CCDC88B: variants seen among roughly 807,000 people sequenced by gnomAD.
CCDC88B encodes coiled-coil and HOOK domain protein 88B, also known as coiled-coil domain-containing protein 88B.
A neutral mutation model predicts 183.7 loss-of-function variants in CCDC88B; 138 were observed. The ratio of observed to expected loss-of-function variants is 0.75; its 90% confidence interval spans 0.65 to 0.87. The LOEUF (loss-of-function observed/expected upper bound fraction) is 0.87. CCDC88B is among the 40% of genes least tolerant of loss of function. The pLI is 0.00. For synonymous variants in CCDC88B, 835 were observed against 867.5 expected, an observed-to-expected ratio of 0.96 and a Z score of 0.66; for missense variants, 1,822 against 1,965.6, an observed-to-expected ratio of 0.93 and a Z score of 1.38.
intron 18 of CCDC88B, 141 bp from the exon 19 acceptor site, chr11:64,351,989 G>A: frequency 8.1e-7 from 1 of 1,230,252 alleles, no homozygotes; most frequent in Non-Finnish European, 1.1e-6. Flanking sequence ...TGTACTGCCT[G>A]CTGTGCCCCC....
chr11:64,344,002 C>T lies in CCDC88B; in HGVS notation c.1461C>T (p.Pro487=), dbSNP rs753814750. ...TCCCTCTCGTATGCCCTCAGCACCC[C>T]CTGCTGGAGGCACCGAGAGAGGACC... ...VLQGQPGGQH[P]LLEAPREDPV... is the part of the protein sequence containing the mutation. The change falls in exon 14 of 27, where the codon CCC becomes CCT. Residue 487 remains proline (P), a synonymous_variant. Coordinates refer to ENST00000356786, the MANE Select transcript of CCDC88B (RefSeq NM_032251.6). This position sits in a 1 kb window ranked among gnomAD's most constrained non-coding sequence, Gnocchi z 4.5. The T allele has an allele frequency of 1.5e-5, 23 of 1,552,452 alleles. No homozygotes were observed. Among genetic ancestry groups the T allele is most frequent in the South Asian group, 1.4e-4 (12 of 83,618 alleles).
chr11:64,343,293 C>A lies in CCDC88B; in HGVS notation c.1177C>A (p.Leu393Met), dbSNP rs1206230746. 6 of 1,550,148 alleles carry A rather than the reference C, an allele frequency of 3.9e-6. No homozygotes were observed. Among genetic ancestry groups the A allele is most frequent in the Non-Finnish European group, 5.2e-6 (6 of 1,146,842 alleles). Residue 393 changes from leucine (L) to methionine (M), a missense_variant, in exon 11 of 27, where the codon CTG becomes ATG. Transcript: ENST00000356786. ...RLHETQRENL[L>M]LRTRLGEAHA... is the part of the protein sequence containing the mutation. ...GCACGAGACCCAGCGCGAGAACCTG[C>A]TGCTGCGAACCCGGCTGGGCGAGGC...
chr11:64,341,139 C>G lies in CCDC88B; in HGVS notation c.349C>G (p.Pro117Ala), dbSNP rs750187928. Residue 117 changes from proline (P) to alanine (A), a missense_variant, in exon 4 of 27, where the codon CCC (proline) becomes GCC (alanine). By Grantham distance (27) the Pro-to-Ala change is conservative. Transcript: ENST00000356786. ...GCTGCAGCTGCTGATCCTGTCGCCA[C>G]CCCCAGACCTCCAGACATTGGGATT... ...EELQLLILSP[P>A]PDLQTLGFDP... is the part of the protein sequence containing the mutation. 3 of 1,614,104 alleles carry G rather than the reference C, an allele frequency of 1.9e-6. No individual in the cohort carries two copies. The highest frequency in any genetic ancestry group is 2.2e-5 in the East Asian group (1 of 44,884).
Position 64,343,838 on chromosome 11 carries a change from G to C in CCDC88B, c.1379G>C (p.Arg460Pro), listed in dbSNP as rs772181053. ...GAGGTGAGGGAGGCAGAGGCTGGGC[G>C]GCTTCGGACCCTTGAGAGGGAGAAC... is the stretch of plus-strand genomic sequence containing the variant. ...QDEVREAEAG[R>P]LRTLERENRE... The change falls in exon 13 of 27, where the codon CGG becomes CCG. Residue 460 changes from arginine (R) to proline (P), a missense_variant. Arg to Pro is a moderately radical substitution (Grantham distance 103). Coordinates refer to ENST00000356786, the MANE Select transcript of CCDC88B (RefSeq NM_032251.6). 1.3e-6 allele frequency: 2 copies of C among 1,598,272 alleles called. No homozygotes were observed. The highest frequency in any genetic ancestry group is 2.0e-4 in the Middle Eastern group (1 of 5,128).
Position 64,354,027 on chromosome 11 carries a change from A to G in CCDC88B, c.3956A>G (p.Lys1319Arg), listed in dbSNP as rs1438662110. 5 of 1,482,780 alleles carry G rather than the reference A, an allele frequency of 3.4e-6. No individual in the cohort carries two copies. The highest frequency in any genetic ancestry group is 4.5e-6 in the Non-Finnish European group (5 of 1,112,414). The allele number at this position is 1,482,780 out of a possible 1,614,324, so 91.9% of individuals were successfully genotyped here. Residue 1319 changes from lysine (K) to arginine (R), a missense_variant, in exon 24 of 27, where the codon AAG (lysine) becomes AGG (arginine). Physicochemically the swap from Lys to Arg is conservative, Grantham distance 26. Coordinates refer to ENST00000356786, the MANE Select transcript of CCDC88B (RefSeq NM_032251.6). ...RTKKGSWLAD[K>R]VKRLMRPRRE... Reference sequence around the variant, plus strand: ...AGGAAGGGCAGCTGGCTGGCAGACAAGGTGAAGAGGCTGATGCGGCCCCGG... The same window carrying G: ...AGGAAGGGCAGCTGGCTGGCAGACAGGGTGAAGAGGCTGATGCGGCCCCGG...
chr11:64,342,590 G>A lies in CCDC88B; in HGVS notation c.972G>A (p.Glu324=). Residue 324 remains glutamate, a synonymous_variant, in exon 10 of 27, where the codon GAG becomes GAA. Coordinates refer to ENST00000356786, the MANE Select transcript of CCDC88B (RefSeq NM_032251.6). ...LYREEAEALR[E]RAGRLPRLQE... ...GCGAGGAGGCAGAGGCGCTGCGGGA[G>A]CGGGCCGGCCGCCTGCCCCGCCTGC... The A allele has an allele frequency of 1.3e-6, 2 of 1,531,110 alleles. No homozygotes were observed. Among genetic ancestry groups the A allele is most frequent in the Non-Finnish European group, 1.7e-6 (2 of 1,145,224 alleles). The allele number at this position is 1,531,110 out of a possible 1,614,324, so 94.8% of individuals were successfully genotyped here. A position where few individuals can be genotyped will look rare whatever the true frequency, so the allele number is the denominator to read the frequency against.
Position 64,352,762 on chromosome 11 carries a change from C to G in CCDC88B, c.3375C>G (p.Ala1125=). Residue 1125 remains alanine, a synonymous_variant, in exon 20 of 27, where the codon GCC becomes GCG. Transcript: ENST00000356786. ...ELQGRHEQLQ[A]QRASVEAQEV... ...ATCCCAGGCACGAGCAGCTGCAGGC[C>G]CAGCGGGCCAGCGTGGAGGCACAGG... The G allele has an allele frequency of 6.2e-7, 1 of 1,613,522 alleles. No homozygotes were observed. The highest frequency in any genetic ancestry group is 8.5e-7 in the Non-Finnish European group (1 of 1,180,006).
chr11:64,353,480 G>A lies in CCDC88B; in HGVS notation c.3817G>A (p.Glu1273Lys), dbSNP rs1027435237. Residue 1273 changes from glutamate (E) to lysine (K), a missense_variant, in exon 22 of 27, where the codon GAA (glutamate) becomes AAA (lysine). Physicochemically the swap from Glu to Lys is moderately conservative, Grantham distance 56 (BLOSUM62 1). Coordinates refer to ENST00000356786, the MANE Select transcript of CCDC88B (RefSeq NM_032251.6). ...GGAGAGTCGGGACCACCTGCACCGC[G>A]AACAGCGGGAGTACCTGTGAGTGGG... ...SLESRDHLHR[E>K]QREYLDQLNA... 7.4e-6 allele frequency: 12 copies of A among 1,611,784 alleles called. No homozygotes were observed. Among genetic ancestry groups the A allele is most frequent in the South Asian group, 1.1e-5 (1 of 91,004 alleles).
chr11:64,350,280 C>A (rs2036277231), intron 16 of CCDC88B: 1 of 154,016 alleles, frequency 6.5e-6, no homozygotes, highest in Non-Finnish European at 1.4e-5. Flanking sequence ...TGCCTGTAAT[C>A]CCAGCACTTT....
At chr11:64,352,979 C>T (rs61886887) in intron 20 of CCDC88B, 75 bp from the exon 21 acceptor site, 295,029 of 1,504,128 alleles carry the variant, frequency 0.2, 31,150 homozygotes, top group South Asian at 0.28. Flanking sequence ...CTCCCCTCCC[C>T]GGCATAACTT....
At chr11:64,357,011 C>G (rs768796040) in intron 26 of CCDC88B, 28 bp from the exon 27 acceptor site, 3 of 1,544,602 alleles carry the variant, frequency 1.9e-6, no homozygotes, top group Non-Finnish European at 1.7e-6. Flanking sequence ...CTGAGGGAAG[C>G]AGATCTCAGC....
At position 64,354,130 on chromosome 11, in the gene CCDC88B, G is replaced by A. The variant is rs540864966; in HGVS notation, c.4059G>A (p.Pro1353=). Residue 1353 remains proline, a synonymous_variant, in exon 24 of 27, where the codon CCG becomes CCA. Transcript: ENST00000356786. The part of the protein sequence containing the change: ...AGSTESLGGP[P]ETELPEGREA... Reference sequence around the variant, plus strand: ...GCACCGAGAGCCTGGGGGGCCCCCCGGAGACGGAGCTTCCTGAGGGCAGGG... The same window carrying A: ...GCACCGAGAGCCTGGGGGGCCCCCCAGAGACGGAGCTTCCTGAGGGCAGGG... 66 of 1,375,236 alleles carry A rather than the reference G, an allele frequency of 4.8e-5. No individual in the cohort carries two copies. The South Asian group carries it at 9.7e-4, about 20-fold the overall frequency. The allele number at this position is 1,375,236 out of a possible 1,614,324, so 85.2% of individuals were successfully genotyped here.
At chr11:64,349,009 A>AT in intron 14 of CCDC88B, 1 of 717,514 alleles carries the variant, frequency 1.4e-6, no homozygotes, top group South Asian at 1.5e-5. Flanking sequence ...CACCGGGCGC[A>AT]TCCACCTTTC....
chr11:64,343,111 T>C, intron 10 of CCDC88B, 68 bp from the exon 11 acceptor site: 1 of 1,453,112 alleles, frequency 6.9e-7, no homozygotes, highest in Non-Finnish European at 9.1e-7. Flanking sequence ...GGGAAGGAGT[T>C]TGGGACCCTC....
Position 64,353,058 on chromosome 11 carries a change from C to A in CCDC88B, c.3505C>A (p.Gln1169Lys). 1 of 1,599,046 alleles carries A rather than the reference C, an allele frequency of 6.3e-7. No homozygotes were observed. The highest frequency in any genetic ancestry group is 8.5e-7 in the Non-Finnish European group (1 of 1,173,354). ...CAGCTCTCCTTGCCTCCCAAGGGCT[C>A]AGATGCTGCTGGCAGAGTTGTCTCG... is the stretch of plus-strand genomic sequence containing the variant. ...RRLQSEHDRAQMLLAELSRER... is the reference protein window; with the variant it reads ...RRLQSEHDRAKMLLAELSRER... Residue 1169 changes from glutamine to lysine, a missense_variant, in exon 21 of 27, where the codon CAG becomes AAG. By Grantham distance (53) the Gln-to-Lys change is moderately conservative (BLOSUM62 1). Transcript: ENST00000356786.
chr11:64,340,343 C>T lies in CCDC88B; in HGVS notation c.60+17C>T. 1 of 1,293,622 alleles carries T rather than the reference C, an allele frequency of 7.7e-7. No homozygotes were observed. The highest frequency in any genetic ancestry group is 9.9e-7 in the Non-Finnish European group (1 of 1,011,352). 80.1% of individuals were successfully genotyped at this position (1,293,622 alleles called of 1,614,324 possible). On this transcript the variant is annotated intron_variant, in intron 1 of 26. Coordinates refer to ENST00000356786, the MANE Select transcript of CCDC88B (RefSeq NM_032251.6). Reference sequence around the variant, plus strand: ...GCTACCTGGGTGAGGGGGCAGGTGGCAGCGGGTTGGGGAGGGGAAGTGAGC... The same window carrying T: ...GCTACCTGGGTGAGGGGGCAGGTGGTAGCGGGTTGGGGAGGGGAAGTGAGC...
At chr11:64,348,255 G>A (rs1462542126) in intron 14 of CCDC88B, among the ~76,000 whole-genome samples, 4 of 151,302 alleles carry the variant, frequency 2.6e-5, no homozygotes, top group Non-Finnish European at 5.9e-5. Flanking sequence ...GGGAAGCTAG[G>A]GACAAAGGGG....
chr11:64,346,607 A>AT (rs1210727695), intron 14 of CCDC88B, among the ~76,000 whole-genome samples: 1 of 151,440 alleles, frequency 6.6e-6, no homozygotes, highest in African/African-American at 2.4e-5. Context: ...CACTCGGCTA[A>AT]TTTTTTGTGT....
In CCDC88B at chr11:64,351,262, G is replaced by A; in HGVS notation, c.2958+7G>A. On this transcript the variant is annotated splice_region_variant and intron_variant, in intron 17 of 26. Coordinates refer to ENST00000356786, the MANE Select transcript of CCDC88B (RefSeq NM_032251.6). ...TATTGAGGTGGAGCGCAGTGTGAGT[G>A]TGGGCCCACAGTGGGCCCTGGGGAG... The A allele has an allele frequency of 6.6e-7, 1 of 1,515,322 alleles. No homozygotes were observed. The highest frequency in any genetic ancestry group is 8.8e-7 in the Non-Finnish European group (1 of 1,131,274). The allele number at this position is 1,515,322 out of a possible 1,614,324, so 93.9% of individuals were successfully genotyped here.
Sources: gnomAD v4.1 joint callset for allele counts (sites outside exome capture counted in the v4.1 genomes callset) on GRCh38, gnomAD v4.1.1 for gene constraint, Gnocchi (gnomAD v3.1) non-coding constraint, MANE v1.5 for transcripts, NCBI Gene and HGNC (gene_info 2026-07-23, HGNC 2026-07-21) for gene names.